Variants in UACA observed in about 807,000 individuals in gnomAD.
The protein encoded by UACA is nuclear membrane binding protein.
Under a neutral mutation model 160.5 loss-of-function variants are expected in UACA, and 112 were observed. The observed-to-expected ratio is 0.70, with a 90% CI of 0.60 to 0.82. The LOEUF (loss-of-function observed/expected upper bound fraction) is 0.82, where lower values mean the gene tolerates loss of function less well. Ranked by LOEUF, UACA falls within the 40% of genes least tolerant of loss-of-function variation. UACA has a pLI of 0.00. For synonymous variants in UACA, 557 were observed against 568.4 expected (o/e 0.98, Z 0.29); for missense variants, 1,574 against 1,614.6 (o/e 0.97, Z 0.43).
chr15:70,772,262 G>A, the UACA span, among the ~76,000 whole-genome samples: 2 of 152,034 alleles, frequency 1.3e-5, no homozygotes, highest in African/African-American at 2.4e-5. Context: ...GGGAGGCCGA[G>A]GCGGGTGGAT....
chr15:70,723,485 A>C (rs571742638), intron 1 of UACA, among the ~76,000 whole-genome samples: 1 of 152,302 alleles, frequency 6.6e-6, no homozygotes, highest in African/African-American at 2.4e-5. Context: ...TAATCTTGAA[A>C]TGGGTACTCT....
chr15:70,684,493 A>T (rs1246740186), intron 7 of UACA, 47 bp from the exon 8 acceptor site: 2 of 1,552,784 alleles, frequency 1.3e-6, no homozygotes, highest in Admixed American at 3.9e-5. Context: ...ACTCCAAGGA[A>T]ATATTGCAGA....
intron 1 of UACA, among the ~76,000 whole-genome samples, chr15:70,725,684 G>A (rs1899123081): frequency 6.6e-6 from 1 of 152,090 alleles, no homozygotes; most frequent in Non-Finnish European, 1.5e-5. Flanking sequence ...TGTTTCCTAT[G>A]TTATCATTGA....
At chr15:70,695,998 G>A (rs1423718668) in intron 2 of UACA, among the ~76,000 whole-genome samples, 1 of 152,134 alleles carries the variant, frequency 6.6e-6, no homozygotes, top group African/African-American at 2.4e-5. Flanking sequence ...AAATACAATA[G>A]TTGTTGGCAA....
intron 7 of UACA, among the ~76,000 whole-genome samples, chr15:70,686,484 CTTTTT>C (rs59586401): frequency 4.3e-4 from 45 of 104,870 alleles, no homozygotes; most frequent in African/African-American, 1.4e-3. Context: ...AGCCAGGGTT[CTTTTT>C]TTTTTTTTTT....
rs57543862 is a variant in UACA, at chr15:70,712,051, C to CAT, written c.79-12393_79-12392dup. On this transcript the variant is annotated intron_variant, in intron 1 of 18. Coordinates refer to ENST00000322954, the MANE Select transcript of UACA (RefSeq NM_018003.4). The stretch of plus-strand genomic sequence containing the variant: ...AACCCAGGCTCCTCTAAGCTCCAGG[C>CAT]ATATATATATATATATCTCCATATA... 8.2e-3 allele frequency among the ~76,000 whole-genome samples: 1,084 copies of CAT among 131,874 alleles called. 81 individuals carry two copies. Among genetic ancestry groups the CAT allele is most frequent in the African/African-American group, 0.023 (742 of 32,596 alleles). The allele number at this position is 131,874 out of a possible 152,430, so 86.5% of individuals were successfully genotyped here.
At chr15:70,777,741 C>T in the UACA span, among the ~76,000 whole-genome samples, 1 of 152,124 alleles carries the variant, frequency 6.6e-6, no homozygotes, top group African/African-American at 2.4e-5. Flanking sequence ...ACAAAAGTGA[C>T]TCATTGGCTT....
At chr15:70,676,179 A>G (rs1390325158) in intron 13 of UACA, 1 of 199,492 alleles carries the variant, frequency 5.0e-6, no homozygotes, top group Non-Finnish European at 1.0e-5. Flanking sequence ...TTATCATTAT[A>G]CTCACTGCAA....
At chr15:70,744,328 G>A (rs1229371271) in intron 1 of UACA, among the ~76,000 whole-genome samples, 1 of 151,750 alleles carries the variant, frequency 6.6e-6, no homozygotes, top group Admixed American at 6.6e-5. Flanking sequence ...TAACATACAG[G>A]GATCCAGCTG....
At chr15:70,683,112 T>C (rs1369653715) in intron 8 of UACA, among the ~76,000 whole-genome samples, 2 of 152,050 alleles carry the variant, frequency 1.3e-5, no homozygotes, top group East Asian at 1.9e-4. Flanking sequence ...TCCCAGCACT[T>C]TGGGAGGCTG....
Position 70,667,455 on chromosome 15 carries a change from G to A in UACA, c.3229C>T (p.Gln1077Ter). Residue 1077 changes from glutamine (Q) to a stop codon, truncating the protein, a stop_gained, in exon 16 of 19, where the codon CAG becomes TAG. Transcript: ENST00000322954. LOFTEE classifies it high-confidence loss of function. ...ACATTCTTTACTTCCGTGTATTTCTGTGACAAGTCTTTTAACTGTTTGTTT... is the reference window on the plus strand; with the variant it reads ...ACATTCTTTACTTCCGTGTATTTCTATGACAAGTCTTTTAACTGTTTGTTT... ...ELNKQLKDLS[Q>*]KYTEVKNVKE... The A allele has an allele frequency of 6.2e-7, 1 of 1,609,580 alleles. No homozygotes were observed. Among genetic ancestry groups the A allele is most frequent in the Non-Finnish European group, 8.5e-7 (1 of 1,179,482 alleles).
chr15:70,755,917 T>G (rs1315943367), intron 1 of UACA, among the ~76,000 whole-genome samples: 1 of 152,136 alleles, frequency 6.6e-6, no homozygotes, highest in Non-Finnish European at 1.5e-5. Flanking sequence ...GAAATTGTCT[T>G]TCTGGCCCAA....
Position 70,715,399 on chromosome 15 carries a change from CA to C in UACA, c.79-15740del, listed in dbSNP as rs569733403. Among the ~76,000 whole-genome samples the C allele has an allele frequency of 3.2e-3, 488 of 152,036 alleles. 4 individuals carry two copies. The highest frequency in any genetic ancestry group is 0.01 in the African/African-American group (431 of 41,488). On this transcript the variant is annotated intron_variant, in intron 1 of 18. Coordinates refer to ENST00000322954, the MANE Select transcript of UACA (RefSeq NM_018003.4). ...GGGGTTTGATTACAATAAAAACAAACAAAAGATATTTTTGTACCTTTGGCTT... is the reference window on the plus strand; with the variant it reads ...GGGGTTTGATTACAATAAAAACAAACAAAGATATTTTTGTACCTTTGGCTT...
upstream of UACA, chr15:70,768,276 A>T (rs2031063919): frequency 6.6e-6 from 1 of 152,218 alleles, no homozygotes; most frequent in African/African-American, 2.4e-5. Context: ...CTTCCAAAGA[A>T]GGCTGCTTTC....
rs559426774 is a variant in UACA, at chr15:70,662,060, G to A, written c.4114-1844C>T. Among the ~76,000 whole-genome samples, 19 of 152,270 alleles carry A rather than the reference G, an allele frequency of 1.2e-4. No individual in the cohort carries two copies. The East Asian group carries it at 3.5e-3, about 28-fold the overall frequency. On this transcript the variant is annotated intron_variant, in intron 17 of 18. Coordinates refer to ENST00000322954, the MANE Select transcript of UACA (RefSeq NM_018003.4). Reference sequence around the variant, plus strand: ...AAAAGGTATTCAATTAGGAAAAGAGGAAGTCAAATTGTCCCTGTTTGCAGA... The same window carrying A: ...AAAAGGTATTCAATTAGGAAAAGAGAAAGTCAAATTGTCCCTGTTTGCAGA...
intron 7 of UACA, 86 bp downstream of exon 7, chr15:70,687,454 G>A (rs1897765378): frequency 3.1e-6 from 4 of 1,299,428 alleles, no homozygotes; most frequent in Non-Finnish European, 4.4e-6. Context: ...GAAAGGCCAA[G>A]TCAGAGAACA....
At position 70,667,102 on chromosome 15, in the gene UACA, G is replaced by T. The variant is rs1443519032; in HGVS notation, c.3582C>A (p.Ser1194Arg). 1 of 1,612,558 alleles carries T rather than the reference G, an allele frequency of 6.2e-7. No homozygotes were observed. The highest frequency in any genetic ancestry group is 1.7e-5 in the Admixed American group (1 of 59,766). ...TGGAGACTTCTTCCATTTTGTTTTG[G>T]CTTTCTTCTTCCTTTTCTCTCAAGC... ...KASLREKEEE[S>R]QNKMEEVSKL... Residue 1194 changes from serine (S) to arginine (R), a missense_variant, in exon 16 of 19, where the codon AGC becomes AGA. Physicochemically the swap from Ser to Arg is moderately radical, Grantham distance 110 (BLOSUM62 -1). Transcript: ENST00000322954.
In UACA at chr15:70,660,119, A is replaced by T. The variant is rs1180329031; in HGVS notation, c.4179+32T>A. 6 of 1,559,876 alleles carry T rather than the reference A, an allele frequency of 3.8e-6. No homozygotes were observed. The African/African-American group carries it at 8.2e-5, about 21-fold the overall frequency. ...ATAAAAAATTATTATCTCTAAAGCA[A>T]TATTCTTTCCAAAGGAGAAGTAGTT... On this transcript the variant is annotated intron_variant, in intron 18 of 18. Coordinates refer to ENST00000322954, the MANE Select transcript of UACA (RefSeq NM_018003.4).
Position 70,754,254 on chromosome 15 carries a change from T to C in UACA, c.78+9076A>G. The C allele has an allele frequency of 7.1e-6, 3 of 423,052 alleles. No individual in the cohort carries two copies. In the Admixed American group the frequency reaches 8.0e-5, roughly 11 times the overall value. 26.2% of individuals were successfully genotyped at this position (423,052 alleles called of 1,614,324 possible). On this transcript the variant is annotated intron_variant, in intron 1 of 18. Coordinates refer to ENST00000322954, the MANE Select transcript of UACA (RefSeq NM_018003.4). Reference sequence around the variant, plus strand: ...AGTCCCCAACTTATGATGGTTAGACTTAGGATTTTTTGACTTTACAACAGT... The same window carrying C: ...AGTCCCCAACTTATGATGGTTAGACCTAGGATTTTTTGACTTTACAACAGT...
Sources: allele counts gnomAD v4.1 joint callset (sites outside exome capture counted in the v4.1 genomes callset), GRCh38; gene constraint gnomAD v4.1.1; transcripts MANE v1.5; gene names NCBI Gene and HGNC (gene_info 2026-07-23, HGNC 2026-07-21).